The following ANKS1B variants were observed in gnomAD, a reference collection of about 807,000 sequenced individuals.
The protein encoded by ANKS1B is ankyrin repeat and sterile alpha motif domain containing 1B, also known as ankyrin repeat and sterile alpha motif domain-containing protein 1B.
In ANKS1B, 36 loss-of-function variants were observed where a neutral mutation model predicts 148.3. That is an observed-to-expected ratio of 0.24 (90% CI 0.19 to 0.32). The LOEUF (loss-of-function observed/expected upper bound fraction) is 0.32. Among genes scored for constraint, ANKS1B ranks in the 10% least tolerant of loss-of-function variants. ANKS1B has a pLI of 1.00. For missense variants in ANKS1B, 1,157 were observed against 1,542.6 expected (o/e 0.75, Z 4.19); for synonymous variants, 542 against 560.8 (o/e 0.97, Z 0.47).
intron 17 of ANKS1B, among the ~76,000 whole-genome samples, chr12:99,027,067 C>T (rs1470762024): frequency 2.0e-5 from 3 of 152,148 alleles, no homozygotes; most frequent in Non-Finnish European, 4.4e-5. Flanking sequence ...TCTGGCTTCT[C>T]AAATAATAGA....
At chr12:98,975,674 T>C (rs1400652884) in intron 17 of ANKS1B, among the ~76,000 whole-genome samples, 1 of 152,016 alleles carries the variant, frequency 6.6e-6, no homozygotes, top group East Asian at 1.9e-4. Flanking sequence ...TTATATAGAA[T>C]GGTCACAGGT....
chr12:99,058,719 C>CTTTTTTTTTTTTT (rs869064302), intron 16 of ANKS1B, among the ~76,000 whole-genome samples: 1 of 80,684 alleles, frequency 1.2e-5, no homozygotes, highest in Admixed American at 1.5e-4. Context: ...TCTATCTATC[C>CTTTTTTTTTTTTT]TTTTTTTTTT....
At chr12:98,777,235 C>T (rs1462592357) in intron 24 of ANKS1B, among the ~76,000 whole-genome samples, 1 of 152,156 alleles carries the variant, frequency 6.6e-6, no homozygotes, top group Non-Finnish European at 1.5e-5. Flanking sequence ...ACAACAGGCA[C>T]TTGTTTAGGC....
intron 1 of ANKS1B, among the ~76,000 whole-genome samples, chr12:99,934,862 A>C (rs1180093376): frequency 6.6e-6 from 1 of 152,174 alleles, no homozygotes; most frequent in African/African-American, 2.4e-5. Context: ...AGATATGTAC[A>C]TAAATGCTTG....
At chr12:99,928,081 G>A (rs1021407381) in intron 1 of ANKS1B, among the ~76,000 whole-genome samples, 2 of 151,836 alleles carry the variant, frequency 1.3e-5, no homozygotes, top group African/African-American at 4.8e-5. Flanking sequence ...ACTTAATTAT[G>A]AAGTAGTTAT....
At chr12:99,721,252 A>AC (rs1354123897) in intron 8 of ANKS1B, among the ~76,000 whole-genome samples, 1 of 150,144 alleles carries the variant, frequency 6.7e-6, no homozygotes, top group African/African-American at 2.5e-5. Context: ...TCTCCATACC[A>AC]CCCCCCAAAA....
Position 99,244,408 on chromosome 12 carries a change from T to C in ANKS1B, c.2353A>G (p.Lys785Glu), listed in dbSNP as rs893277981. 6.2e-7 allele frequency: 1 copy of C among 1,601,394 alleles called. No homozygotes were observed. The highest frequency in any genetic ancestry group is 2.2e-5 in the East Asian group (1 of 44,592). ...SFTSEWEEID[K>E]IMSSIDVGIN... is the part of the protein sequence containing the mutation. ...CCAACATCTATGGAACTCATTATTT[T>C]GTCAATCTGTAAGAAACAAAAACCA... The change falls in exon 14 of 27, where the codon AAA becomes GAA. Residue 785 changes from lysine (K) to glutamate (E), a missense_variant. Physicochemically the swap from Lys to Glu is moderately conservative, Grantham distance 56 (BLOSUM62 1). Around this residue, in one of 6 missense-constraint regions of ANKS1B, gnomAD observed 661 missense variants for 642.1 expected, o/e 1.03. Transcript: ENST00000683438.
At chr12:99,565,415 T>A (rs1049361529) in intron 9 of ANKS1B, among the ~76,000 whole-genome samples, 1 of 152,120 alleles carries the variant, frequency 6.6e-6, no homozygotes, top group Admixed American at 6.5e-5. Context: ...AATGGTAGGA[T>A]AGGCACAGCA....
At chr12:99,514,584 G>A (rs1377951008) in intron 9 of ANKS1B, among the ~76,000 whole-genome samples, 1 of 152,050 alleles carries the variant, frequency 6.6e-6, no homozygotes, top group Non-Finnish European at 1.5e-5. Flanking sequence ...AAATTATTAA[G>A]TGACTTGTCC....
intron 17 of ANKS1B, among the ~76,000 whole-genome samples, chr12:99,036,945 G>C (rs1246395008): frequency 6.6e-6 from 1 of 152,226 alleles, no homozygotes; most frequent in Non-Finnish European, 1.5e-5. Context: ...AAGGCTCTGT[G>C]TCACAGATTA....
intron 12 of ANKS1B, among the ~76,000 whole-genome samples, chr12:99,256,380 T>G (rs1362988645): frequency 6.6e-6 from 1 of 152,228 alleles, no homozygotes; most frequent in African/African-American, 2.4e-5. Flanking sequence ...AATATTGTTG[T>G]CAGTGTTTTA....
chr12:99,913,530 CAAG>C (rs1260112676), intron 1 of ANKS1B, among the ~76,000 whole-genome samples: 1 of 151,904 alleles, frequency 6.6e-6, no homozygotes, highest in Non-Finnish European at 1.5e-5. Context: ...ATCACGCTAA[CAAG>C]AAGTAAAATA....
chr12:99,762,233 T>G (rs920571040), intron 8 of ANKS1B, among the ~76,000 whole-genome samples: 13 of 152,034 alleles, frequency 8.6e-5, no homozygotes, highest in Non-Finnish European at 1.6e-4. Flanking sequence ...CAAGCTCGAA[T>G]AGCCAAAGTA....
At chr12:99,648,168 G>C (rs2098389977) in intron 9 of ANKS1B, 1 of 1,607,056 alleles carries the variant, frequency 6.2e-7, no homozygotes, top group South Asian at 1.1e-5. Flanking sequence ...TTGATTTAAA[G>C]GAAGACATGG....
intron 15 of ANKS1B, among the ~76,000 whole-genome samples, chr12:99,116,239 T>A (rs1052691336): frequency 6.6e-6 from 1 of 152,142 alleles, no homozygotes; most frequent in African/African-American, 2.4e-5. Flanking sequence ...AGAAGGAAAA[T>A]CAATTCCTTC....
intron 9 of ANKS1B, among the ~76,000 whole-genome samples, chr12:99,570,983 GCT>G (rs1408292184): frequency 6.6e-6 from 1 of 151,844 alleles, no homozygotes; most frequent in Non-Finnish European, 1.5e-5. Flanking sequence ...TTTTTTAAGT[GCT>G]GAGACTTTCT....
intron 17 of ANKS1B, among the ~76,000 whole-genome samples, chr12:98,847,474 T>C (rs981161960): frequency 6.6e-6 from 1 of 152,232 alleles, no homozygotes; most frequent in Non-Finnish European, 1.5e-5. Flanking sequence ...TATTCCATGG[T>C]ATGTATACAC....
chr12:99,440,645 G>A (rs1002183557), intron 11 of ANKS1B, among the ~76,000 whole-genome samples: 2 of 151,792 alleles, frequency 1.3e-5, no homozygotes, highest in Non-Finnish European at 2.9e-5. Flanking sequence ...CTTAGTTAAT[G>A]CATATGCTGA....
At chr12:99,464,087 G>A (rs2096049350) in intron 10 of ANKS1B, among the ~76,000 whole-genome samples, 1 of 152,162 alleles carries the variant, frequency 6.6e-6, no homozygotes, top group Non-Finnish European at 1.5e-5. Context: ...ACTCCTCTGA[G>A]ACAAAACTTC....
Sources: allele counts gnomAD v4.1 joint callset (sites outside exome capture counted in the v4.1 genomes callset), GRCh38; gene constraint gnomAD v4.1.1; regional missense constraint gnomAD v4.1.1; transcripts MANE v1.5; gene names NCBI Gene and HGNC (gene_info 2026-07-23, HGNC 2026-07-21).